ALK: variants seen among roughly 807,000 people sequenced by gnomAD.
The protein encoded by ALK is ALK receptor tyrosine kinase, also known as ALK tyrosine kinase receptor.
In ALK, 74 loss-of-function variants were observed where a neutral mutation model predicts 163.1. The ratio of observed to expected loss-of-function variants is 0.45; its 90% CI spans 0.38 to 0.55. The LOEUF (loss-of-function observed/expected upper bound fraction) is 0.55, where lower values mean the gene tolerates loss of function less well. Ranked by LOEUF, ALK falls within the 20% of genes least tolerant of loss-of-function variation. The probability of loss-of-function intolerance (pLI) is 0.00; values close to 1 mark genes in which losing one functional copy is unlikely to be tolerated. For synonymous variants in ALK, 960 were observed against 843.2 expected, an observed-to-expected ratio of 1.14 and a Z score of -2.40; for missense variants, 2,063 against 2,105.3, an observed-to-expected ratio of 0.98 and a Z score of 0.39.
chr2:29,230,997 A>G (rs565093793), intron 15 of ALK, among the ~76,000 whole-genome samples: 1 of 152,298 alleles, frequency 6.6e-6, no homozygotes, highest in Non-Finnish European at 1.5e-5. Flanking sequence ...ATGTGTGGAA[A>G]GGAAAATAAC....
chr2:29,727,648 T>C (rs1679610939), intron 1 of ALK, among the ~76,000 whole-genome samples: 2 of 152,246 alleles, frequency 1.3e-5, no homozygotes, highest in African/African-American at 4.8e-5. Context: ...CCTTGTGCTT[T>C]TACTAAGGGG....
intron 11 of ALK, among the ~76,000 whole-genome samples, chr2:29,262,354 ATG>A (rs1665109409): frequency 6.6e-6 from 1 of 152,186 alleles, no homozygotes; most frequent in African/African-American, 2.4e-5. Context: ...AGGTACACAC[ATG>A]TGTGTGCTTA....
intron 26 of ALK, among the ~76,000 whole-genome samples, chr2:29,201,004 G>T (rs1011352801): frequency 6.6e-6 from 1 of 150,888 alleles, no homozygotes; most frequent in African/African-American, 2.4e-5. Flanking sequence ...TCTGATAAAA[G>T]ATTTTAAAAT....
chr2:29,724,516 C>T (rs528657945), intron 1 of ALK, among the ~76,000 whole-genome samples: 6 of 152,146 alleles, frequency 3.9e-5, no homozygotes, highest in South Asian at 2.1e-4. Context: ...CAAAAGAAAC[C>T]TCAGTAAATT....
At chr2:29,353,301 G>A (rs915083023) in intron 5 of ALK, among the ~76,000 whole-genome samples, 5 of 152,172 alleles carry the variant, frequency 3.3e-5, no homozygotes, top group Non-Finnish European at 2.9e-5. Flanking sequence ...GTCTGGCTGT[G>A]TGCTACTCCA....
At chr2:29,300,401 T>C (rs1047112807) in intron 8 of ALK, among the ~76,000 whole-genome samples, 2 of 151,590 alleles carry the variant, frequency 1.3e-5, no homozygotes, top group Non-Finnish European at 2.9e-5. Flanking sequence ...ATACAAAAAT[T>C]AGCCAGGTGT....
At chr2:29,305,740 G>C (rs948375479) in intron 8 of ALK, among the ~76,000 whole-genome samples, 3 of 152,206 alleles carry the variant, frequency 2.0e-5, no homozygotes, top group Non-Finnish European at 4.4e-5. Context: ...CCAGAGACCA[G>C]TTTCGTGGAA....
At chr2:29,684,803 G>T (rs963328827) in intron 3 of ALK, among the ~76,000 whole-genome samples, 1 of 152,172 alleles carries the variant, frequency 6.6e-6, no homozygotes, top group East Asian at 1.9e-4. Context: ...TGTCATAATG[G>T]TAAGAACATA....
intron 1 of ALK, among the ~76,000 whole-genome samples, chr2:29,919,473 C>T (rs2148442375): frequency 6.6e-6 from 1 of 152,112 alleles, no homozygotes; most frequent in East Asian, 1.9e-4. Flanking sequence ...AGAGACAATC[C>T]CTGGCAATAC....
At chr2:29,217,652 T>G (rs1325111639) in intron 23 of ALK, among the ~76,000 whole-genome samples, 1 of 152,136 alleles carries the variant, frequency 6.6e-6, no homozygotes, top group Non-Finnish European at 1.5e-5. Flanking sequence ...TTGATCCTGA[T>G]CTAAGGTCTG....
intron 2 of ALK, among the ~76,000 whole-genome samples, chr2:29,701,017 C>T (rs754811993): frequency 1.3e-4 from 20 of 152,296 alleles, no homozygotes; most frequent in Admixed American, 5.2e-4. Flanking sequence ...GCCTTCCAAC[C>T]GGGGCCATGT....
intron 9 of ALK, chr2:29,286,473 A>G (rs184999794): frequency 1.3e-5 from 2 of 152,238 alleles, no homozygotes; most frequent in East Asian, 3.9e-4. Flanking sequence ...TGGTCCCAAT[A>G]TGTCATCTGT....
intron 3 of ALK, among the ~76,000 whole-genome samples, chr2:29,619,000 T>TAA (rs57869697): frequency 6.8e-6 from 1 of 147,848 alleles, no homozygotes; most frequent in Non-Finnish European, 1.5e-5. Context: ...AAAAAATAAA[T>TAA]AAAAAAAAAA....
intron 3 of ALK, among the ~76,000 whole-genome samples, chr2:29,565,580 C>T (rs1040877814): frequency 3.2e-4 from 49 of 152,276 alleles, no homozygotes; most frequent in African/African-American, 1.1e-3. Context: ...CCTTGGGATC[C>T]ACTTTTTCAT....
intron 11 of ALK, among the ~76,000 whole-genome samples, chr2:29,273,061 C>A (rs1276034564): frequency 1.3e-5 from 2 of 152,236 alleles, no homozygotes; most frequent in Admixed American, 6.5e-5. Context: ...TTCCTTCCCC[C>A]TCTGGCCTAT....
At chr2:29,367,020 C>T (rs555442986) in intron 5 of ALK, among the ~76,000 whole-genome samples, 7 of 152,226 alleles carry the variant, frequency 4.6e-5, no homozygotes, top group East Asian at 1.9e-4. Flanking sequence ...TCAAACACGC[C>T]GCTTCCCTGG....
chr2:29,365,877 C>A (rs143193887), intron 5 of ALK, among the ~76,000 whole-genome samples: 68 of 152,270 alleles, frequency 4.5e-4, no homozygotes, highest in African/African-American at 1.5e-3. Flanking sequence ...TGTGGCACTA[C>A]AATGAGCTCA....
intron 11 of ALK, among the ~76,000 whole-genome samples, chr2:29,263,350 C>T (rs1665135843): frequency 6.6e-6 from 1 of 152,172 alleles, no homozygotes; most frequent in African/African-American, 2.4e-5. Flanking sequence ...CATTCCTGCT[C>T]ATTGTTTGGT....
chr2:29,668,764 G>T (rs780042273), intron 3 of ALK, among the ~76,000 whole-genome samples: 10 of 152,050 alleles, frequency 6.6e-5, no homozygotes, highest in Non-Finnish European at 1.2e-4. Context: ...CCCAAAACTG[G>T]GTAATTTATA....
Sources: gnomAD v4.1 joint callset for allele counts (sites outside exome capture counted in the v4.1 genomes callset) on GRCh38, gnomAD v4.1.1 for gene constraint, MANE v1.5 for transcripts, NCBI Gene and HGNC (gene_info 2026-07-23, HGNC 2026-07-21) for gene names.